Variants in DST observed in about 807,000 individuals in gnomAD.
DST encodes the protein dystonin.
Under a neutral mutation model 875.2 loss-of-function variants are expected in DST, and 253 were observed. The ratio of observed to expected loss-of-function variants is 0.29; its 90% CI spans 0.26 to 0.32. The LOEUF is 0.32. Ranked by LOEUF, DST falls within the 10% of genes least tolerant of loss-of-function variation. The pLI is 1.00. For missense variants in DST, 8,287 were observed against 9,111.6 expected (o/e 0.91, Z 3.68); for synonymous variants, 3,124 against 3,197.1 (o/e 0.98, Z 0.77).
chr6:56,879,323 T>C (rs1221827029), intron 3 of DST, among the ~76,000 whole-genome samples: 1 of 151,634 alleles, frequency 6.6e-6, no homozygotes, highest in Non-Finnish European at 1.5e-5. Flanking sequence ...ACAAAAAAAT[T>C]AGCCAGGAGC....
chr6:56,948,332 A>G (rs1260025742), intron 2 of DST, among the ~76,000 whole-genome samples: 2 of 152,108 alleles, frequency 1.3e-5, no homozygotes, highest in Non-Finnish European at 2.9e-5. Flanking sequence ...CTCTTGCACT[A>G]TGGGGCCATT....
At chr6:56,703,550 C>T (rs2099319776) in intron 7 of DST, 98 bp downstream of exon 7, 5 of 346,088 alleles carry the variant, frequency 1.4e-5, no homozygotes, top group Non-Finnish European at 2.0e-5. Context: ...CTATGCTTTT[C>T]TAAAAAGGAG....
intron 9 of DST, among the ~76,000 whole-genome samples, chr6:56,677,905 A>G (rs2099138500): frequency 6.6e-6 from 1 of 152,102 alleles, no homozygotes; most frequent in Non-Finnish European, 1.5e-5. Flanking sequence ...TGTCTTCAAT[A>G]CCTTAAACTG....
rs529228408 is a variant in DST at position 56,947,399 on chromosome 6, C to A, written c.216+6386G>T. On this transcript the variant is annotated intron_variant, in intron 2 of 103. Coordinates refer to ENST00000680361, the MANE Select transcript of DST (RefSeq NM_001374736.1). Reference sequence around the variant, plus strand: ...CCGAGTAGCTAGGACTACAGGCGTGCGCCACCACACCCAGCTAATTTTTGT... The same window carrying A: ...CCGAGTAGCTAGGACTACAGGCGTGAGCCACCACACCCAGCTAATTTTTGT... Among the ~76,000 whole-genome samples, 3 of 152,008 alleles carry A rather than the reference C, an allele frequency of 2.0e-5. No individual in the cohort carries two copies. The South Asian group carries it at 6.2e-4, about 32-fold the overall frequency.
At chr6:56,686,939 A>G (rs2099191183) in intron 9 of DST, among the ~76,000 whole-genome samples, 1 of 152,200 alleles carries the variant, frequency 6.6e-6, no homozygotes, top group African/African-American at 2.4e-5. Flanking sequence ...AATTTTAAGG[A>G]TGGGAATAAT....
intron 49 of DST, among the ~76,000 whole-genome samples, chr6:56,584,882 AT>A (rs1297967359): frequency 1.3e-5 from 2 of 151,340 alleles, no homozygotes; most frequent in African/African-American, 4.9e-5. Flanking sequence ...TTCTGTTTAT[AT>A]GCTGCATTAC....
chr6:56,619,178 T>C, intron 36 of DST: 1 of 1,614,154 alleles, frequency 6.2e-7, no homozygotes, highest in Non-Finnish European at 8.5e-7. Context: ...TTTAAAACCA[T>C]CTGCCTGAAT....
intron 2 of DST, among the ~76,000 whole-genome samples, chr6:56,912,047 T>C (rs1798999252): frequency 6.6e-6 from 1 of 152,220 alleles, no homozygotes; most frequent in African/African-American, 2.4e-5. Context: ...CTCCTTTTGG[T>C]TTCCTCCTAG....
At chr6:56,651,300 T>C (rs2152798966) in intron 10 of DST, 56 bp from the exon 11 acceptor site, 1 of 1,053,568 alleles carries the variant, frequency 9.5e-7, no homozygotes, top group Non-Finnish European at 1.4e-6. Flanking sequence ...TTCAACATTA[T>C]ATAATTATAT....
intron 88 of DST, 42 bp from the exon 89 acceptor site, chr6:56,482,919 A>G (rs763528889): frequency 5.6e-6 from 8 of 1,431,296 alleles, no homozygotes; most frequent in East Asian, 4.7e-5. Flanking sequence ...TAATTACAAA[A>G]CCAAAACAGC....
chr6:56,919,468 T>C (rs532403696), intron 2 of DST, among the ~76,000 whole-genome samples: 28 of 152,350 alleles, frequency 1.8e-4, no homozygotes, highest in African/African-American at 6.7e-4. Context: ...CTCCAATGAA[T>C]TTATTGTATT....
At chr6:56,721,011 G>A (rs556699301) in intron 5 of DST, among the ~76,000 whole-genome samples, 17 of 140,996 alleles carry the variant, frequency 1.2e-4, no homozygotes, top group African/African-American at 2.1e-4. Context: ...GGCGGCTGCC[G>A]GGCGGGGGCA....
chr6:56,887,043 G>A (rs1784985813), intron 3 of DST, among the ~76,000 whole-genome samples: 1 of 152,164 alleles, frequency 6.6e-6, no homozygotes, highest in Non-Finnish European at 1.5e-5. Context: ...TTAGACTTAG[G>A]AGAAAAGTTC....
rs762933862 is a variant in DST, at chr6:56,851,591, G to C, written c.431C>G (p.Ala144Gly). The C allele has an allele frequency of 6.2e-7, 1 of 1,613,854 alleles. No individual in the cohort carries two copies. The highest frequency in any genetic ancestry group is 8.5e-7 in the Non-Finnish European group (1 of 1,179,830). The change falls in exon 4 of 104, where the codon GCG becomes GGG. Residue 144 changes from alanine (A) to glycine (G), a missense_variant. Physicochemically the swap from Ala to Gly is moderately conservative, Grantham distance 60 (BLOSUM62 0). This residue lies in a region of DST where 1,160 missense variants were observed against 1,424.3 expected (regional missense o/e 0.81). Transcript: ENST00000680361. The stretch of plus-strand genomic sequence containing the variant: ...GGAAGACATAGAGCAGCGATAGGAC[G>C]CGTTCCCGGAACTCTACAGAGAATG... The part of the protein sequence containing the change: ...ASIRRPSSGN[A>G]SYRCSMSSSA...
chr6:56,479,166 C>CTGCTTG (rs1186238249), intron 90 of DST, among the ~76,000 whole-genome samples: 1 of 152,080 alleles, frequency 6.6e-6, no homozygotes, highest in African/African-American at 2.4e-5. Context: ...AGCCAACAAA[C>CTGCTTG]ACATGAAAAA....
intron 69 of DST, among the ~76,000 whole-genome samples, chr6:56,520,255 G>C (rs1263847405): frequency 6.6e-6 from 1 of 152,046 alleles, no homozygotes; most frequent in Non-Finnish European, 1.5e-5. Context: ...GGTACCTGTG[G>C]AACTACAACA....
intron 3 of DST, among the ~76,000 whole-genome samples, chr6:56,856,742 G>T (rs1263228853): frequency 6.6e-6 from 1 of 152,112 alleles, no homozygotes; most frequent in Admixed American, 6.6e-5. Flanking sequence ...CATGGAACTG[G>T]GTTGTTTATT....
chr6:56,556,125 A>G (rs1460400393), intron 59 of DST, among the ~76,000 whole-genome samples: 1 of 152,222 alleles, frequency 6.6e-6, no homozygotes, highest in Non-Finnish European at 1.5e-5. Context: ...AAAGAGAAAC[A>G]CTGCTGTTAA....
intron 20 of DST, 37 bp downstream of exon 20, chr6:56,639,659 G>A (rs2098867607): frequency 6.2e-7 from 1 of 1,612,606 alleles, no homozygotes; most frequent in African/African-American, 1.3e-5. Context: ...GCCAAATATA[G>A]ATAAGGGAAA....
Sources: gnomAD v4.1 joint callset for allele counts (sites outside exome capture counted in the v4.1 genomes callset) on GRCh38, gnomAD v4.1.1 for gene constraint, gnomAD v4.1.1 regional missense constraint, MANE v1.5 for transcripts, NCBI Gene and HGNC (gene_info 2026-07-23, HGNC 2026-07-21) for gene names.